The following KCNIP4 variants were observed in gnomAD, a reference collection of about 807,000 sequenced individuals.
KCNIP4 encodes the protein Kv channel-interacting protein 4.
In KCNIP4, 12 loss-of-function variants were observed where a neutral mutation model predicts 34.0. The ratio of observed to expected loss-of-function variants is 0.35; its 90% CI spans 0.23 to 0.57. The LOEUF (loss-of-function observed/expected upper bound fraction) is 0.57, where lower values mean the gene tolerates loss of function less well. Among genes scored for constraint, KCNIP4 ranks in the 20% least tolerant of loss-of-function variants. The probability of loss-of-function intolerance (pLI) is 0.83; values close to 1 mark genes in which losing one functional copy is unlikely to be tolerated. For missense variants in KCNIP4, 238 were observed against 311.7 expected, an observed-to-expected ratio of 0.76 and a Z score of 1.78; for synonymous variants, 124 against 102.2, an observed-to-expected ratio of 1.21 and a Z score of -1.29.
At chr4:20,765,290 T>C (rs1445243432) in intron 3 of KCNIP4, among the ~76,000 whole-genome samples, 3 of 152,168 alleles carry the variant, frequency 2.0e-5, no homozygotes, top group African/African-American at 4.8e-5. Context: ...CTATTAGGAC[T>C]GAAAACATAG....
At chr4:20,863,236 G>C (rs1249215073) in intron 2 of KCNIP4, among the ~76,000 whole-genome samples, 1 of 152,084 alleles carries the variant, frequency 6.6e-6, no homozygotes, top group African/African-American at 2.4e-5. Context: ...CAGGAGGTGG[G>C]GAGTGCTGAT....
intron 1 of KCNIP4, among the ~76,000 whole-genome samples, chr4:21,270,403 G>T (rs982722585): frequency 6.6e-6 from 1 of 152,108 alleles, no homozygotes; most frequent in South Asian, 2.1e-4. Context: ...TGCTGCTGAG[G>T]GTTGGTAGGT....
At chr4:21,826,186 C>G (rs749071227) in intron 1 of KCNIP4, among the ~76,000 whole-genome samples, 2 of 152,132 alleles carry the variant, frequency 1.3e-5, no homozygotes, top group Non-Finnish European at 2.9e-5. Context: ...GGATCTTATC[C>G]TAAATGTCTG....
intron 1 of KCNIP4, among the ~76,000 whole-genome samples, chr4:21,380,825 A>G (rs1721438900): frequency 7.2e-6 from 1 of 138,340 alleles, no homozygotes; most frequent in African/African-American, 2.5e-5. Context: ...CAGATACACT[A>G]TATTTCCATT....
At chr4:20,943,245 G>A (rs1191991880) in intron 1 of KCNIP4, among the ~76,000 whole-genome samples, 1 of 152,146 alleles carries the variant, frequency 6.6e-6, no homozygotes. Context: ...TTCTTCTGAA[G>A]ATGTGTGGCT....
At chr4:20,903,138 T>C (rs922095350) in intron 1 of KCNIP4, among the ~76,000 whole-genome samples, 1 of 152,126 alleles carries the variant, frequency 6.6e-6, no homozygotes, top group Non-Finnish European at 1.5e-5. Flanking sequence ...AGCTAACAAA[T>C]TCTTAAAAGA....
At chr4:21,100,617 A>G (rs1307580472) in intron 1 of KCNIP4, among the ~76,000 whole-genome samples, 6 of 152,134 alleles carry the variant, frequency 3.9e-5, no homozygotes, top group African/African-American at 1.4e-4. Flanking sequence ...ATCCCTGATC[A>G]GCCAGCAGCC....
At chr4:21,446,637 AG>A (rs1280063537) in intron 1 of KCNIP4, among the ~76,000 whole-genome samples, 1 of 58,204 alleles carries the variant, frequency 1.7e-5, no homozygotes, top group Non-Finnish European at 3.1e-5. Context: ...GGGTGGGGGG[AG>A]GGGGGAGGGA....
At position 20,802,196 on chromosome 4, in the gene KCNIP4, C is replaced by CTATATATGCTA. The variant is rs1553898633; in HGVS notation, c.289-43307_289-43306insTAGCATATATA. On this transcript the variant is annotated intron_variant, in intron 3 of 8. Transcript: ENST00000382152. ...ATGCTATATATATGCTATATATATG[C>CTATATATGCTA]TATATATATATGCTACATATATGCT... 2.6e-3 allele frequency among the ~76,000 whole-genome samples: 290 copies of CTATATATGCTA among 111,446 alleles called. 26 individuals are homozygous for CTATATATGCTA. The East Asian group carries it at 0.04, about 15-fold the overall frequency. 73.1% of individuals were successfully genotyped at this position (111,446 alleles called of 152,430 possible).
intron 1 of KCNIP4, among the ~76,000 whole-genome samples, chr4:21,542,241 A>G (rs1737769628): frequency 1.3e-5 from 2 of 152,188 alleles, no homozygotes; most frequent in African/African-American, 4.8e-5. Flanking sequence ...GCGACCCAAA[A>G]GTGAAATGAG....
intron 1 of KCNIP4, among the ~76,000 whole-genome samples, chr4:21,924,625 T>C (rs1729130530): frequency 6.6e-6 from 1 of 152,160 alleles, no homozygotes; most frequent in Non-Finnish European, 1.5e-5. Context: ...TTTTCTCTTA[T>C]CTGCAAGAGC....
At chr4:21,743,867 A>G (rs1716590685) in intron 1 of KCNIP4, among the ~76,000 whole-genome samples, 1 of 150,366 alleles carries the variant, frequency 6.7e-6, no homozygotes, top group South Asian at 2.1e-4. Context: ...CTTCATCCAT[A>G]GTTAATGGAA....
intron 1 of KCNIP4, among the ~76,000 whole-genome samples, chr4:21,791,889 C>T (rs1215946094): frequency 6.6e-6 from 1 of 150,910 alleles, no homozygotes; most frequent in Non-Finnish European, 1.5e-5. Flanking sequence ...GTAATCCCAG[C>T]TACTCGGGAG....
chr4:21,400,491 TCC>T (rs1347529119), intron 1 of KCNIP4, among the ~76,000 whole-genome samples: 26 of 145,736 alleles, frequency 1.8e-4, no homozygotes, highest in South Asian at 4.5e-4. Flanking sequence ...TCCTCTCCTC[TCC>T]CCTCCCTTCC....
intron 1 of KCNIP4, among the ~76,000 whole-genome samples, chr4:21,174,046 G>A (rs1393200852): frequency 5.3e-5 from 8 of 152,126 alleles, no homozygotes; most frequent in South Asian, 4.2e-4. Flanking sequence ...AAGTGCTCAC[G>A]TGATCTGTCC....
At chr4:20,849,675 G>A (rs1720791475) in intron 3 of KCNIP4, among the ~76,000 whole-genome samples, 1 of 152,116 alleles carries the variant, frequency 6.6e-6, no homozygotes, top group African/African-American at 2.4e-5. Flanking sequence ...GATCTCCAGG[G>A]GTGCCTGTAG....
chr4:20,810,461 G>T (rs556220476), intron 3 of KCNIP4, among the ~76,000 whole-genome samples: 1 of 107,304 alleles, frequency 9.3e-6, no homozygotes, highest in Middle Eastern at 4.6e-3. Flanking sequence ...GGGGAGGAAG[G>T]GGGGAGAGAG....
Position 21,320,964 on chromosome 4 carries a change from T to TAAAAAAAAAAAAAAAAAAAAAA in KCNIP4, c.62-438256_62-438255insTTTTTTTTTTTTTTTTTTTTTT, listed in dbSNP as rs528123961. Among the ~76,000 whole-genome samples the TAAAAAAAAAAAAAAAAAAAAAA allele has an allele frequency of 1.1e-3, 110 of 102,824 alleles. 5 individuals are homozygous for TAAAAAAAAAAAAAAAAAAAAAA. The highest frequency in any genetic ancestry group is 4.5e-3 in the African/African-American group (98 of 21,736). 67.5% of individuals were successfully genotyped at this position (102,824 alleles called of 152,430 possible). ...TGGGCAATAGAGCAAGAATCTGTCT[T>TAAAAAAAAAAAAAAAAAAAAAA]AAAAAAAAAAAAAAAAAAGAGGAAA... On this transcript the variant is annotated intron_variant, in intron 1 of 8. Transcript: ENST00000382152.
chr4:21,118,009 C>T (rs1430864379), intron 1 of KCNIP4, among the ~76,000 whole-genome samples: 2 of 152,064 alleles, frequency 1.3e-5, no homozygotes, highest in Non-Finnish European at 2.9e-5. Context: ...CTAAGAAATT[C>T]AAGGAGTTAA....
Sources: gnomAD v4.1 joint callset for allele counts (sites outside exome capture counted in the v4.1 genomes callset) on GRCh38, gnomAD v4.1.1 for gene constraint, MANE v1.5 for transcripts, NCBI Gene and HGNC (gene_info 2026-07-23, HGNC 2026-07-21) for gene names.